TMSB15B: variants seen among roughly 807,000 people sequenced by gnomAD.
TMSB15B encodes the protein thymosin beta 15B.
At chrX:103,931,197 G>T (rs1602436532) in intron 1 of TMSB15B, 1 of 111,819 alleles carries the variant, frequency 8.9e-6, no homozygotes, top group African/African-American at 3.3e-5. Flanking sequence ...TACTCAACTT[G>T]TGGATTCAAG....
chrX:103,930,016 A>G (rs182931341), intron 1 of TMSB15B, among the ~76,000 whole-genome samples: 1 of 110,926 alleles, frequency 9.0e-6, no homozygotes, highest in African/African-American at 3.3e-5. Flanking sequence ...TATCCCTAAT[A>G]ATTGCATATT....
intron 1 of TMSB15B, among the ~76,000 whole-genome samples, chrX:103,923,118 G>T (rs1193045509): frequency 9.0e-6 from 1 of 111,417 alleles, no homozygotes; most frequent in African/African-American, 3.3e-5. Flanking sequence ...TTGTCAGATG[G>T]GTAGATTGCA....
chrX:103,944,230 G>A (rs1468824021), intron 1 of TMSB15B, among the ~76,000 whole-genome samples: 1 of 111,886 alleles, frequency 8.9e-6, no homozygotes, highest in Non-Finnish European at 1.9e-5. Flanking sequence ...AAGATCAGAG[G>A]GATGGATAAA....
chrX:103,954,939 A>G (rs1304836202), intron 1 of TMSB15B, among the ~76,000 whole-genome samples: 1 of 111,320 alleles, frequency 9.0e-6, no homozygotes, highest in African/African-American at 3.3e-5. Context: ...TGATCCCCCC[A>G]GTACAGTAGA....
chrX:103,941,399 G>A (rs1266685176), intron 1 of TMSB15B, among the ~76,000 whole-genome samples: 2 of 111,075 alleles, frequency 1.8e-5, no homozygotes, highest in Non-Finnish European at 3.8e-5. Context: ...CATAATGACA[G>A]TGCTATTTTT....
At chrX:103,947,708 A>G in intron 1 of TMSB15B, among the ~76,000 whole-genome samples, 1 of 111,898 alleles carries the variant, frequency 8.9e-6, no homozygotes, top group East Asian at 2.8e-4. Flanking sequence ...TTTGCAAAAT[A>G]TATTGCTGAC....
intron 1 of TMSB15B, among the ~76,000 whole-genome samples, chrX:103,940,510 C>A (rs1371441177): frequency 5.4e-5 from 6 of 111,433 alleles, no homozygotes; most frequent in Middle Eastern, 4.7e-3. Context: ...CCTCTCCCCC[C>A]ACCAAGATCG....
At chrX:103,949,011 C>T (rs186886903) in intron 1 of TMSB15B, among the ~76,000 whole-genome samples, 1 of 111,500 alleles carries the variant, frequency 9.0e-6, no homozygotes, top group Non-Finnish European at 1.9e-5. Context: ...CTCATTGATA[C>T]AGTGAGATTT....
chrX:103,950,915 G>C (rs1847301699), intron 1 of TMSB15B, among the ~76,000 whole-genome samples: 2 of 111,243 alleles, frequency 1.8e-5, no homozygotes, highest in South Asian at 7.7e-4. Context: ...AGAGTGGCTG[G>C]CTTTAGAGTG....
chrX:103,927,776 T>G (rs1362309250), intron 1 of TMSB15B, among the ~76,000 whole-genome samples: 3 of 110,100 alleles, frequency 2.7e-5, no homozygotes, highest in Non-Finnish European at 5.7e-5. Flanking sequence ...CTTCCCCTCC[T>G]CTATTTCATG....
chrX:103,934,888 T>C (rs1370811534), intron 1 of TMSB15B, among the ~76,000 whole-genome samples: 8 of 112,120 alleles, frequency 7.1e-5, no homozygotes, highest in African/African-American at 2.6e-4. Flanking sequence ...ATGGTATTTC[T>C]AGTTCTAGAT....
chrX:103,950,002 T>G (rs1332061783), intron 1 of TMSB15B, among the ~76,000 whole-genome samples: 1 of 111,345 alleles, frequency 9.0e-6, no homozygotes, highest in Non-Finnish European at 1.9e-5. Context: ...GAGTGACTCA[T>G]TAGCCGTGCC....
chrX:103,928,356 C>T, intron 1 of TMSB15B: 1 of 1,209,646 alleles, frequency 8.3e-7, no homozygotes. Flanking sequence ...CTCTTCTCTC[C>T]AAGATGTTGC....
chrX:103,921,677 A>G (rs1339967619), intron 1 of TMSB15B, among the ~76,000 whole-genome samples: 7 of 112,305 alleles, frequency 6.2e-5, no homozygotes, highest in Non-Finnish European at 1.3e-4. Flanking sequence ...TTTAACACAT[A>G]AACCTTAGAA....
intron 1 of TMSB15B, among the ~76,000 whole-genome samples, chrX:103,941,642 A>G (rs187211395): frequency 4.5e-5 from 5 of 111,913 alleles, no homozygotes; most frequent in Admixed American, 3.8e-4. Context: ...AGATATCTCT[A>G]GGGGATTTAT....
chrX:103,927,662 GTTTT>G (rs1157847043), intron 1 of TMSB15B, among the ~76,000 whole-genome samples: 4 of 80,891 alleles, frequency 4.9e-5, no homozygotes, highest in Admixed American at 1.4e-4. Flanking sequence ...ATAGTGCCAG[GTTTT>G]TTTTTTTTTT....
intron 1 of TMSB15B, among the ~76,000 whole-genome samples, chrX:103,938,821 C>T (rs1431285845): frequency 8.9e-6 from 1 of 111,918 alleles, no homozygotes; most frequent in East Asian, 2.8e-4. Flanking sequence ...TTAGTTCTTC[C>T]TTCAGGAGGT....
At chrX:103,953,560 G>A (rs74206206) in intron 1 of TMSB15B, among the ~76,000 whole-genome samples, 5 of 112,807 alleles carry the variant, frequency 4.4e-5, no homozygotes, top group South Asian at 3.6e-4. Flanking sequence ...GGGGCGGGCC[G>A]CCATGTTTAC....
chrX:103,920,905 G>C (rs1352984176), intron 1 of TMSB15B, among the ~76,000 whole-genome samples: 1 of 112,323 alleles, frequency 8.9e-6, no homozygotes, highest in African/African-American at 3.2e-5. Flanking sequence ...GAAGGCAGTG[G>C]CTGGAAAACC....
Sources: gnomAD v4.1 joint callset for allele counts (sites outside exome capture counted in the v4.1 genomes callset) on GRCh38, gnomAD v4.1.1 for gene constraint, MANE v1.5 for transcripts, NCBI Gene and HGNC (gene_info 2026-07-23, HGNC 2026-07-21) for gene names.